The following ADAMTS18 variants were observed in gnomAD, a reference collection of about 807,000 sequenced individuals.
The protein encoded by ADAMTS18 is A disintegrin and metalloproteinase with thrombospondin motifs 18.
In ADAMTS18, 157 loss-of-function variants were observed where a neutral mutation model predicts 165.9. That is an observed-to-expected ratio of 0.95 (90% CI 0.83 to 1.08). The LOEUF is 1.08. Ranked by LOEUF, ADAMTS18 falls within the 50% of genes least tolerant of loss-of-function variation. ADAMTS18 has a pLI of 0.00. For synonymous variants in ADAMTS18, 782 were observed against 578.2 expected, an observed-to-expected ratio of 1.35 and a Z score of -5.06; for missense variants, 2,040 against 1,534.0, an observed-to-expected ratio of 1.33 and a Z score of -5.51.
intron 17 of ADAMTS18, among the ~76,000 whole-genome samples, chr16:77,298,681 A>C (rs1293808532): frequency 6.6e-6 from 1 of 152,192 alleles, no homozygotes; most frequent in Non-Finnish European, 1.5e-5. Flanking sequence ...AGTCCAAGCT[A>C]CTTAGGACGG....
chr16:77,335,681 T>C, intron 12 of ADAMTS18, 75 bp downstream of exon 12: 2 of 1,563,688 alleles, frequency 1.3e-6, no homozygotes, highest in Admixed American at 1.7e-5. Context: ...ACTTAAAGTA[T>C]GAACAAGAAA....
chr16:77,306,578 A>T (rs1444287354), intron 16 of ADAMTS18, among the ~76,000 whole-genome samples: 1 of 152,060 alleles, frequency 6.6e-6, no homozygotes, highest in African/African-American at 2.4e-5. Flanking sequence ...CTTCTTCAAG[A>T]AGTTGTCCTC....
At chr16:77,353,568 T>C (rs1045399943) in intron 10 of ADAMTS18, among the ~76,000 whole-genome samples, 165 bp downstream of exon 10, 4 of 152,212 alleles carry the variant, frequency 2.6e-5, no homozygotes, top group Admixed American at 6.5e-5. Flanking sequence ...GGATAATTCA[T>C]TGACAGTAAA....
chr16:77,433,115 C>T (rs531668239), intron 2 of ADAMTS18, among the ~76,000 whole-genome samples: 67 of 152,294 alleles, frequency 4.4e-4, no homozygotes, highest in African/African-American at 1.5e-3. Flanking sequence ...TGATACATTG[C>T]TTTAAAGGGA....
intron 16 of ADAMTS18, among the ~76,000 whole-genome samples, chr16:77,313,685 CCT>C (rs1313130485): frequency 6.6e-6 from 1 of 152,214 alleles, no homozygotes; most frequent in East Asian, 1.9e-4. Flanking sequence ...TGCATGTACC[CCT>C]GTTTCCCTAT....
rs1295888458 is a variant in ADAMTS18, at chr16:77,312,511, T to G, written c.2532+7338A>C. Among the ~76,000 whole-genome samples the G allele has an allele frequency of 2.6e-4, 40 of 152,178 alleles. 1 individual carries two copies. The highest frequency in any genetic ancestry group is 2.6e-3 in the Admixed American group (39 of 15,274). On this transcript the variant is annotated intron_variant, in intron 16 of 22. Coordinates refer to ENST00000282849, the MANE Select transcript of ADAMTS18 (RefSeq NM_199355.4). ...CCTTGGCCTCCCAAAGTGCTGGGAT[T>G]GCAGGCGTGAGCCACCGCACTCGGC...
chr16:77,328,508 G>A (rs566795844), intron 12 of ADAMTS18, among the ~76,000 whole-genome samples: 2 of 152,252 alleles, frequency 1.3e-5, no homozygotes, highest in East Asian at 1.9e-4. Context: ...ATGTCACGCG[G>A]CCAGAATGAG....
chr16:77,409,999 A>G (rs1597240156), intron 3 of ADAMTS18, among the ~76,000 whole-genome samples: 1 of 152,180 alleles, frequency 6.6e-6, no homozygotes, highest in Non-Finnish European at 1.5e-5. Flanking sequence ...GGACAATTAC[A>G]TATAGGACTG....
At chr16:77,350,569 G>A (rs1328750866) in intron 10 of ADAMTS18, among the ~76,000 whole-genome samples, 1 of 152,156 alleles carries the variant, frequency 6.6e-6, no homozygotes, top group Non-Finnish European at 1.5e-5. Flanking sequence ...CAAGCTTATA[G>A]GAAATCTCGG....
rs1203334714 is a variant in ADAMTS18 at position 77,367,681 on chromosome 16, G to A, written c.538C>T (p.Pro180Ser). ...RTRKNEFLIS[P>S]LPQLLAQEHN... ...TCCTGGGCCAGAAGCTGAGGTAATG[G>A]CGAGATGAGGAATTCATTTTTTCGT... The change falls in exon 4 of 23, where the codon CCA becomes TCA. Residue 180 changes from proline to serine, a missense_variant. By Grantham distance (74) the Pro-to-Ser change is moderately conservative. Coordinates refer to ENST00000282849, the MANE Select transcript of ADAMTS18 (RefSeq NM_199355.4). 1.9e-6 allele frequency: 3 copies of A among 1,614,156 alleles called. No homozygotes were observed. Among genetic ancestry groups the A allele is most frequent in the Non-Finnish European group, 2.5e-6 (3 of 1,180,024 alleles).
At chr16:77,303,522 G>C (rs2055625026) in intron 16 of ADAMTS18, among the ~76,000 whole-genome samples, 2 of 152,086 alleles carry the variant, frequency 1.3e-5, no homozygotes, top group Non-Finnish European at 2.9e-5. Flanking sequence ...ATCAGAAATG[G>C]TGTTACTTTA....
chr16:77,299,852 G>A (rs534466066), intron 17 of ADAMTS18, among the ~76,000 whole-genome samples: 7 of 152,220 alleles, frequency 4.6e-5, no homozygotes, highest in East Asian at 1.9e-4. Flanking sequence ...CCATGTATGC[G>A]TCCTCACTTG....
intron 10 of ADAMTS18, among the ~76,000 whole-genome samples, chr16:77,348,782 G>A (rs2056513627): frequency 6.6e-6 from 1 of 152,096 alleles, no homozygotes; most frequent in Non-Finnish European, 1.5e-5. Flanking sequence ...TTTATAAAAG[G>A]GACACATAAG....
At chr16:77,424,083 T>C (rs1304172758) in intron 3 of ADAMTS18, among the ~76,000 whole-genome samples, 1 of 152,114 alleles carries the variant, frequency 6.6e-6, no homozygotes, top group Non-Finnish European at 1.5e-5. Context: ...ACTTTACAGA[T>C]GAGAAAACCA....
Position 77,434,699 on chromosome 16 carries a change from C to A in ADAMTS18, c.-4G>T. 6.9e-7 allele frequency: 1 copy of A among 1,449,062 alleles called. No individual in the cohort carries two copies. The highest frequency in any genetic ancestry group is 1.3e-5 in the South Asian group (1 of 74,836). The allele number at this position is 1,449,062 out of a possible 1,614,324, so 89.8% of individuals were successfully genotyped here. ...CGAGCAGGAGGGCGCACTCCATGGT[C>A]AGGTGCGGACGCGGCGGCTGCGGGT... On this transcript the variant is annotated 5_prime_UTR_variant, in exon 1 of 23. It removes the in-frame stop codon of an upstream open reading frame in the 5' UTR. Coordinates refer to ENST00000282849, the MANE Select transcript of ADAMTS18 (RefSeq NM_199355.4).
At chr16:77,326,112 G>T in intron 12 of ADAMTS18, 74 bp from the exon 13 acceptor site, 2 of 1,457,058 alleles carry the variant, frequency 1.4e-6, no homozygotes, top group African/African-American at 2.8e-5. Context: ...ATAATATGAA[G>T]AGAGGCAATG....
chr16:77,354,451 TCC>T (rs2056599675), intron 9 of ADAMTS18, among the ~76,000 whole-genome samples: 1 of 152,210 alleles, frequency 6.6e-6, no homozygotes, highest in East Asian at 1.9e-4. Flanking sequence ...CAGAAAAATT[TCC>T]TTCAGATATG....
At chr16:77,321,686 A>G (rs2056001331) in intron 14 of ADAMTS18, among the ~76,000 whole-genome samples, 2 of 152,252 alleles carry the variant, frequency 1.3e-5, no homozygotes, top group Non-Finnish European at 1.5e-5. Context: ...ATCATATAGT[A>G]AAGGTACTTA....
intron 11 of ADAMTS18, among the ~76,000 whole-genome samples, chr16:77,337,908 C>T (rs1357995701): frequency 7.8e-5 from 11 of 140,836 alleles, no homozygotes; most frequent in East Asian, 2.1e-4. Flanking sequence ...CTTTTCTTTT[C>T]TTTTTTTTTT....
Sources: gnomAD v4.1 joint callset for allele counts (sites outside exome capture counted in the v4.1 genomes callset) on GRCh38, gnomAD v4.1.1 for gene constraint, MANE v1.5 for transcripts, NCBI Gene and HGNC (gene_info 2026-07-23, HGNC 2026-07-21) for gene names.